TTN: variants seen among roughly 807,000 people sequenced by gnomAD.
TTN encodes titin, also known as connectin.
In TTN, 1,525 loss-of-function variants were observed where a neutral mutation model predicts 3,223.0. The ratio of observed to expected loss-of-function variants is 0.47; its 90% CI spans 0.45 to 0.49. The LOEUF (loss-of-function observed/expected upper bound fraction) is 0.49, where lower values mean the gene tolerates loss of function less well. Ranked by LOEUF, TTN falls within the 20% of genes least tolerant of loss-of-function variation. The probability of loss-of-function intolerance (pLI) is 0.00; values close to 1 mark genes in which losing one functional copy is unlikely to be tolerated. For synonymous variants in TTN, 14,094 were observed against 15,161.0 expected, an observed-to-expected ratio of 0.93 and a Z score of 5.17; for missense variants, 40,786 against 43,424.0, an observed-to-expected ratio of 0.94 and a Z score of 5.40.
At chr2:178,769,644 T>C in intron 37 of TTN, 35 bp downstream of exon 37, 2 of 1,315,084 alleles carry the variant, frequency 1.5e-6, no homozygotes, top group South Asian at 2.8e-5. Flanking sequence ...ATTTTATATA[T>C]ATGTGTATAT....
rs1559744241 is a variant in TTN at position 178,608,012 on chromosome 2, G to A, written c.52775C>T (p.Pro17592Leu). The change falls in exon 276 of 363, where the codon CCC becomes CTC. Residue 17592 changes from proline (P) to leucine (L), a missense_variant. Physicochemically the swap from Pro to Leu is moderately conservative, Grantham distance 98 (BLOSUM62 -3). Coordinates refer to ENST00000589042, the MANE Select transcript of TTN (RefSeq NM_001267550.2). ...TTCCCCACCACCATTGAAAGCTGGG[G>A]GTTCCCATTCTAGTTCAATAGTTGT... ...SSTTIELEWEPPAFNGGGEIV... is the reference protein window; with the variant it reads ...SSTTIELEWELPAFNGGGEIV... 2 of 1,612,848 alleles carry A rather than the reference G, an allele frequency of 1.2e-6. No individual in the cohort carries two copies. Among genetic ancestry groups the A allele is most frequent in the Non-Finnish European group, 1.7e-6 (2 of 1,179,330 alleles).
At position 178,534,281 on chromosome 2, in the gene TTN, A is replaced by C. The variant is rs889518198; in HGVS notation, c.102334T>G (p.Ser34112Ala). Residue 34112 changes from serine to alanine, a missense_variant, in exon 358 of 363, where the codon TCC becomes GCC. By Grantham distance (99) the Ser-to-Ala change is moderately conservative. Coordinates refer to ENST00000589042, the MANE Select transcript of TTN (RefSeq NM_001267550.2). ...LNMVVSAARISCGGAIRSQKG... is the reference protein window; with the variant it reads ...LNMVVSAARIACGGAIRSQKG... ...TGAGATCGAATTGCACCACCACAGGAGATCCGGGCTGCTGACACAACCATG... is the reference window on the plus strand; with the variant it reads ...TGAGATCGAATTGCACCACCACAGGCGATCCGGGCTGCTGACACAACCATG... 2 of 1,613,802 alleles carry C rather than the reference A, an allele frequency of 1.2e-6. No homozygotes were observed. The highest frequency in any genetic ancestry group is 1.7e-6 in the Non-Finnish European group (2 of 1,179,852).
rs2244492 is a variant in TTN, at chr2:178,689,578, C to T, written c.31864G>A (p.Gly10622Arg). The change falls in exon 123 of 363, where the codon GGA becomes AGA. Residue 10622 changes from glycine (G) to arginine (R), a missense_variant. By Grantham distance (125) the Gly-to-Arg change is moderately radical. Coordinates refer to ENST00000589042, the MANE Select transcript of TTN (RefSeq NM_001267550.2). ...GTTATTTTTTCTTCTGTCACAACTCCCTTCTGTACTTCAGGAACTTGAAGA... is the reference window on the plus strand; with the variant it reads ...GTTATTTTTTCTTCTGTCACAACTCTCTTCTGTACTTCAGGAACTTGAAGA... ...PPAKVPEVQK[G>R]VVTEEKITIV... 613,301 of 1,603,082 alleles carry T rather than the reference C, an allele frequency of 0.38. 122,135 individuals carry two copies. Among genetic ancestry groups the T allele is most frequent in the African/African-American group, 0.61 (45,517 of 74,714 alleles).
Position 178,776,739 on chromosome 2 carries a change from G to GA in TTN, c.5124_5125insT (p.Leu1709SerfsTer7). 6.2e-7 allele frequency: 1 copy of GA among 1,614,078 alleles called. No homozygotes were observed. Among genetic ancestry groups the GA allele is most frequent in the Non-Finnish European group, 8.5e-7 (1 of 1,180,006 alleles). Reference sequence around the variant, plus strand: ...AAGCGCTTAAGTCTTAAGGAAGTGAGTTTTTTCTTGAAAAATGGTTTCTGT... The same window carrying GA: ...AAGCGCTTAAGTCTTAAGGAAGTGAGATTTTTTCTTGAAAAATGGTTTCTGT... On this transcript the variant is annotated frameshift_variant, in exon 28 of 363. Coordinates refer to ENST00000589042, the MANE Select transcript of TTN (RefSeq NM_001267550.2). LOFTEE classifies it high-confidence loss of function.
At chr2:178,625,428 C>T in intron 240 of TTN, 32 bp from the exon 241 acceptor site, 4 of 1,531,138 alleles carry the variant, frequency 2.6e-6, no homozygotes, top group South Asian at 1.3e-5. Flanking sequence ...ATACATGAAA[C>T]AGCAATCTAG....
Position 178,578,039 on chromosome 2 carries a change from CA to C in TTN, c.68475del (p.Val22826TrpfsTer28). ...EFRVMAINLA[G>X]VGKPSLPSEP... Reference sequence around the variant, plus strand: ...TCTGATGGTAGGCTTGGCTTGCCCACACCTGCTAAATTGATTGCCATAACTC... The same window carrying C: ...TCTGATGGTAGGCTTGGCTTGCCCACCCTGCTAAATTGATTGCCATAACTC... On this transcript the variant is annotated frameshift_variant, in exon 322 of 363. Coordinates refer to ENST00000589042, the MANE Select transcript of TTN (RefSeq NM_001267550.2). LOFTEE classifies it high-confidence loss of function. 6.2e-7 allele frequency: 1 copy of C among 1,613,282 alleles called. No individual in the cohort carries two copies. The highest frequency in any genetic ancestry group is 8.5e-7 in the Non-Finnish European group (1 of 1,179,490).
rs769290463 is a variant in TTN, at chr2:178,652,740, A to G, written c.38960-4T>C. 6.2e-7 allele frequency: 1 copy of G among 1,612,504 alleles called. No homozygotes were observed. Among genetic ancestry groups the G allele is most frequent in the South Asian group, 1.1e-5 (1 of 90,990 alleles). ...ACCTCTTTGGGAGCCTCTGGTACTT[A>G]AAAGATATTAGTGAAATTACATTTA... On this transcript the variant is annotated splice_region_variant and splice_polypyrimidine_tract_variant and intron_variant, in intron 200 of 362. Coordinates refer to ENST00000589042, the MANE Select transcript of TTN (RefSeq NM_001267550.2).
chr2:178,673,632 C>T lies in TTN; in HGVS notation c.34786+1G>A, dbSNP rs879010418. Reference sequence around the variant, plus strand: ...ATATTAATAATGAGGATTTGATATACCTTTAGCTGGTGGTGCCTCCACTTT... The same window carrying T: ...ATATTAATAATGAGGATTTGATATATCTTTAGCTGGTGGTGCCTCCACTTT... On this transcript the variant is annotated splice_donor_variant, in intron 152 of 362. Coordinates refer to ENST00000589042, the MANE Select transcript of TTN (RefSeq NM_001267550.2). LOFTEE classifies it high-confidence loss of function. 2 of 1,587,038 alleles carry T rather than the reference C, an allele frequency of 1.3e-6. No individual in the cohort carries two copies. The highest frequency in any genetic ancestry group is 1.7e-6 in the Non-Finnish European group (2 of 1,169,666).
In TTN at chr2:178,740,491, G is replaced by T. The variant is rs794729308; in HGVS notation, c.12742C>A (p.Gln4248Lys). Residue 4248 changes from glutamine (Q) to lysine (K), a missense_variant, in exon 48 of 363, where the codon CAA becomes AAA. Transcript: ENST00000589042. ...TCTTGCTTTTGAAGAGTCACTCTTT[G>T]CTCTCTGTTGGTGTCAGATACTGTC... ...EKTVSDTNRE[Q>K]RVTLQKQEAQ... is the part of the protein sequence containing the mutation. 4 of 1,613,724 alleles carry T rather than the reference G, an allele frequency of 2.5e-6. No homozygotes were observed. The African/African-American group carries it at 4.0e-5, about 16-fold the overall frequency.
At position 178,572,152 on chromosome 2, in the gene TTN, A is replaced by G; in HGVS notation, c.73980T>C (p.Ser24660=). Residue 24660 remains serine (S), a synonymous_variant, in exon 326 of 363, where the codon AGT becomes AGC. Coordinates refer to ENST00000589042, the MANE Select transcript of TTN (RefSeq NM_001267550.2). ...CTGTGGCACACGTGGCCCATTTGTC[A>G]CTGCCTTTGGTCTGCATCTCCACAA... is the stretch of plus-strand genomic sequence containing the variant. ...GYIVEMQTKG[S]DKWATCATVK... The G allele has an allele frequency of 6.2e-7, 1 of 1,613,412 alleles. No individual in the cohort carries two copies. The highest frequency in any genetic ancestry group is 8.5e-7 in the Non-Finnish European group (1 of 1,179,622).
At position 178,729,697 on chromosome 2, in the gene TTN, T is replaced by C; in HGVS notation, c.18556A>G (p.Thr6186Ala). The C allele has an allele frequency of 6.2e-7, 1 of 1,613,756 alleles. No homozygotes were observed. The highest frequency in any genetic ancestry group is 8.5e-7 in the Non-Finnish European group (1 of 1,179,718). The change falls in exon 63 of 363, where the codon ACG (threonine) becomes GCG (alanine). Residue 6186 changes from threonine (T) to alanine (A), a missense_variant. Coordinates refer to ENST00000589042, the MANE Select transcript of TTN (RefSeq NM_001267550.2). ...TTGAGTTCAATGCTGCAGCTCGCCGTGCCTGCGTCATTTCGAGCTTCACAC... is the reference window on the plus strand; with the variant it reads ...TTGAGTTCAATGCTGCAGCTCGCCGCGCCTGCGTCATTTCGAGCTTCACAC... ...YVCEARNDAG[T>A]ASCSIELKVK...
In TTN at chr2:178,570,290, G is replaced by A. The variant is rs1337558884; in HGVS notation, c.75842C>T (p.Ala25281Val). 1 of 1,613,318 alleles carries A rather than the reference G, an allele frequency of 6.2e-7. No homozygotes were observed. The highest frequency in any genetic ancestry group is 1.3e-5 in the African/African-American group (1 of 74,988). ...EGNEYTFRIM[A>V]VNKYGVGEPL... ...TTCACCAACACCATATTTGTTTACT[G>A]CCATTATACGGAAAGTATATTCATT... Residue 25281 changes from alanine to valine, a missense_variant, in exon 326 of 363, where the codon GCA (alanine) becomes GTA (valine). By Grantham distance (64) the Ala-to-Val change is moderately conservative. Coordinates refer to ENST00000589042, the MANE Select transcript of TTN (RefSeq NM_001267550.2).
In TTN at chr2:178,649,236, C is replaced by T. The variant is rs2062520077; in HGVS notation, c.40057+12G>A. ...CAGTTAGAGAAATCTATTTTTTCTT[C>T]ATGGTAGGTACCTTTTTCTGGAAGA... On this transcript the variant is annotated intron_variant, in intron 213 of 362. Transcript: ENST00000589042. The T allele has an allele frequency of 4.0e-6, 6 of 1,497,266 alleles. No homozygotes were observed. Among genetic ancestry groups the T allele is most frequent in the Middle Eastern group, 3.5e-4 (2 of 5,768 alleles). 92.7% of individuals were successfully genotyped at this position (1,497,266 alleles called of 1,614,324 possible).
chr2:178,653,197 A>C (rs757625664), intron 198 of TTN, 41 bp downstream of exon 198: 1 of 1,611,146 alleles, frequency 6.2e-7, no homozygotes, highest in African/African-American at 1.3e-5. Flanking sequence ...TCAACTGCAA[A>C]AGAATTAGAT....
Position 178,594,177 on chromosome 2 carries a change from G to A in TTN, c.58216C>T (p.Leu19406Phe). The change falls in exon 297 of 363, where the codon CTC (leucine) becomes TTC (phenylalanine). Residue 19406 changes from leucine (L) to phenylalanine (F), a missense_variant. Transcript: ENST00000589042. ...GGTTTGCCTGAGTAACGGCCAGTGA[G>A]GGCAAAAGCTTCACCAACTCGAATC... is the stretch of plus-strand genomic sequence containing the variant. ...LTIRVGEAFA[L>F]TGRYSGKPKP... The A allele has an allele frequency of 6.2e-7, 1 of 1,613,320 alleles. No homozygotes were observed. Among genetic ancestry groups the A allele is most frequent in the South Asian group, 1.1e-5 (1 of 91,066 alleles).
Position 178,675,687 on chromosome 2 carries a change from C to T in TTN, c.34521G>A (p.Val11507=). 3 of 1,418,942 alleles carry T rather than the reference C, an allele frequency of 2.1e-6. 1 individual carries two copies. In the South Asian group the frequency reaches 5.0e-5, roughly 24 times the overall value. 87.9% of individuals were successfully genotyped at this position (1,418,942 alleles called of 1,614,324 possible). The change falls in exon 149 of 363, where the codon GTG becomes GTA. Residue 11507 remains valine, a synonymous_variant. Transcript: ENST00000589042. Reference sequence around the variant, plus strand: ...ATGATGTACCTTTGGCAGGAGGGGCCACTGCTTTCTTAAGACCAGGAGGAG... The same window carrying T: ...ATGATGTACCTTTGGCAGGAGGGGCTACTGCTTTCTTAAGACCAGGAGGAG... The part of the protein sequence containing the change: ...KVPPPGLKKA[V]APPAKVPEVP...
rs1268203596 is a variant in TTN at position 178,580,520 on chromosome 2, C to G, written c.66859G>C (p.Gly22287Arg). The G allele has an allele frequency of 3.1e-6, 5 of 1,612,830 alleles. No individual in the cohort carries two copies. The highest frequency in any genetic ancestry group is 4.2e-6 in the Non-Finnish European group (5 of 1,179,304). Residue 22287 changes from glycine to arginine, a missense_variant, in exon 317 of 363, where the codon GGA becomes CGA. Transcript: ENST00000589042. ...VTMRLYVPVK[G>R]RPPPKITWSK... is the part of the protein sequence containing the mutation. ...CAAGTAATCTTTGGAGGTGGGCGTC[C>G]TTTTACTGGTACATATAGTCTCATA...
At position 178,714,520 on chromosome 2, in the gene TTN, C is replaced by T; in HGVS notation, c.26254G>A (p.Glu8752Lys). ...LSDISTVVGK[E>K]VQLQTTIEGA... ...TCAATGGTAGTCTGCAGCTGAACTT[C>T]TTTACCAACGACAGTAGATATGTCA... The change falls in exon 91 of 363, where the codon GAA becomes AAA. Residue 8752 changes from glutamate to lysine, a missense_variant. Coordinates refer to ENST00000589042, the MANE Select transcript of TTN (RefSeq NM_001267550.2). 6.2e-7 allele frequency: 1 copy of T among 1,613,174 alleles called. No individual in the cohort carries two copies. Among genetic ancestry groups the T allele is most frequent in the Non-Finnish European group, 8.5e-7 (1 of 1,179,560 alleles).
rs777773240 is a variant in TTN at position 178,634,325 on chromosome 2, A to C, written c.42415+41T>G. 1.3e-6 allele frequency: 2 copies of C among 1,573,720 alleles called. No homozygotes were observed. Among genetic ancestry groups the C allele is most frequent in the Admixed American group, 2.1e-5 (1 of 46,624 alleles). ...CCTATCTTTAAAGTCATATATTTGC[A>C]TGCCTTTATGGGATGTCACAGATCT... is the stretch of plus-strand genomic sequence containing the variant. On this transcript the variant is annotated intron_variant, in intron 230 of 362. Transcript: ENST00000589042. This position sits in a 1 kb window ranked among gnomAD's most constrained non-coding sequence, Gnocchi z 4.6.
Sources: gnomAD v4.1 joint callset for allele counts on GRCh38, gnomAD v4.1.1 for gene constraint, Gnocchi (gnomAD v3.1) non-coding constraint, MANE v1.5 for transcripts, NCBI Gene and HGNC (gene_info 2026-07-23, HGNC 2026-07-21) for gene names.